Variants in TAOK3 observed in about 807,000 individuals in gnomAD.
The protein encoded by TAOK3 is serine/threonine-protein kinase TAO3.
Under a neutral mutation model 120.4 loss-of-function variants are expected in TAOK3, and 40 were observed. The ratio of observed to expected loss-of-function variants is 0.33; its 90% CI spans 0.26 to 0.43. TAOK3 has a LOEUF of 0.43. Among genes scored for constraint, TAOK3 ranks in the 20% least tolerant of loss-of-function variants. The probability of loss-of-function intolerance (pLI) is 1.00; values close to 1 mark genes in which losing one functional copy is unlikely to be tolerated. For missense variants in TAOK3, 821 were observed against 1,112.1 expected, an observed-to-expected ratio of 0.74 and a Z score of 3.72; for synonymous variants, 355 against 387.5, an observed-to-expected ratio of 0.92 and a Z score of 0.99.
intron 1 of TAOK3, among the ~76,000 whole-genome samples, chr12:118,287,633 G>C (rs1200660027): frequency 1.3e-5 from 2 of 152,148 alleles, no homozygotes; most frequent in Non-Finnish European, 2.9e-5. Flanking sequence ...CTAAGCCTCA[G>C]TTTTCCTGGT....
At position 118,370,351 on chromosome 12, in the gene TAOK3, G is replaced by A. The variant is rs902255531; in HGVS notation, c.-194+2297C>T. Among the ~76,000 whole-genome samples, 10 of 152,276 alleles carry A rather than the reference G, an allele frequency of 6.6e-5. No individual in the cohort carries two copies. The East Asian group carries it at 1.5e-3, about 23-fold the overall frequency. ...TCTTGGATTTACATAGCAGTTATAT[G>A]TAAGGCATCTGCATTATATATTTAG... On this transcript the variant is annotated intron_variant, in intron 1 of 20. Coordinates refer to ENST00000392533, the MANE Select transcript of TAOK3 (RefSeq NM_016281.4).
At chr12:118,295,447 C>G (rs558451977) in intron 1 of TAOK3, 1 of 152,160 alleles carries the variant, frequency 6.6e-6, no homozygotes, top group Non-Finnish European at 1.5e-5. Context: ...ATGTTTCTGA[C>G]CTTGGTCGGT....
chr12:118,310,744 T>C (rs2043230211), intron 1 of TAOK3, among the ~76,000 whole-genome samples: 1 of 152,178 alleles, frequency 6.6e-6, no homozygotes, highest in Non-Finnish European at 1.5e-5. Flanking sequence ...GTGATGTTGG[T>C]AGCTTTTTTC....
intron 3 of TAOK3, among the ~76,000 whole-genome samples, chr12:118,252,042 C>T (rs866523081): frequency 6.6e-6 from 1 of 152,042 alleles, no homozygotes; most frequent in Non-Finnish European, 1.5e-5. Flanking sequence ...AGGATGGTCT[C>T]GATCTCCTGA....
At chr12:118,318,638 A>C (rs1336248433) in intron 1 of TAOK3, among the ~76,000 whole-genome samples, 1 of 152,208 alleles carries the variant, frequency 6.6e-6, no homozygotes, top group East Asian at 1.9e-4. Context: ...GTGGGAATGT[A>C]AATTAGCACA....
chr12:118,312,507 G>C (rs556415406), intron 1 of TAOK3, among the ~76,000 whole-genome samples: 2 of 152,034 alleles, frequency 1.3e-5, no homozygotes, highest in Admixed American at 1.3e-4. Flanking sequence ...GGAAGTAGAC[G>C]GTAGCAAGGG....
At chr12:118,177,138 G>A in intron 16 of TAOK3, 63 bp downstream of exon 16, 6 of 1,523,542 alleles carry the variant, frequency 3.9e-6, no homozygotes, top group Non-Finnish European at 3.6e-6. Context: ...TGCAAGATGA[G>A]TGAATGTTAA....
At chr12:118,267,158 C>T (rs1056267321) in intron 1 of TAOK3, among the ~76,000 whole-genome samples, 4 of 152,084 alleles carry the variant, frequency 2.6e-5, no homozygotes, top group African/African-American at 9.7e-5. Flanking sequence ...ATTACTCTAC[C>T]TTTCCTTTCC....
chr12:118,177,075 AG>A (rs1196825034), intron 16 of TAOK3, 125 bp downstream of exon 16: 1 of 1,035,602 alleles, frequency 9.7e-7, no homozygotes, highest in Admixed American at 2.3e-5. Flanking sequence ...AAAGCATTTT[AG>A]GGTATTCTAA....
intron 2 of TAOK3, among the ~76,000 whole-genome samples, chr12:118,265,394 GAAA>G (rs35810306): frequency 1.5e-5 from 1 of 68,598 alleles, no homozygotes. Context: ...GTCTCAGGAA[GAAA>G]AAAAAAAAAA....
chr12:118,162,010 C>T lies in TAOK3; in HGVS notation c.1917G>A (p.Arg639=), dbSNP rs758271395. The T allele has an allele frequency of 2.5e-6, 4 of 1,613,466 alleles. No individual in the cohort carries two copies. In the South Asian group the frequency reaches 4.4e-5, roughly 18 times the overall value. The change falls in exon 18 of 21, where the codon AGG becomes AGA. Residue 639 remains arginine, a synonymous_variant. Transcript: ENST00000392533. Reference sequence around the variant, plus strand: ...TGGCATGCTCCATCTCCTTCTGGGTCCTCTTTTTATTTAGTTCCTGCGTCC... The same window carrying T: ...TGGCATGCTCCATCTCCTTCTGGGTTCTCTTTTTATTTAGTTCCTGCGTCC... ...QNIREELNKK[R]TQKEMEHAML... is the part of the protein sequence containing the mutation.
intron 9 of TAOK3, among the ~76,000 whole-genome samples, chr12:118,229,890 C>T (rs1173984630): frequency 6.6e-6 from 1 of 151,948 alleles, no homozygotes; most frequent in African/African-American, 2.4e-5. Context: ...AAGAGCACAC[C>T]ACTGCACTCT....
chr12:118,289,735 C>G (rs2042403063), intron 1 of TAOK3, among the ~76,000 whole-genome samples: 1 of 152,128 alleles, frequency 6.6e-6, no homozygotes, highest in Admixed American at 6.5e-5. Flanking sequence ...TGGCTCACAG[C>G]TATAATCCCA....
intron 13 of TAOK3, 174 bp downstream of exon 13, chr12:118,198,877 T>C: frequency 1.6e-6 from 1 of 634,138 alleles, no homozygotes; most frequent in South Asian, 1.8e-5. Context: ...GGCACAGATG[T>C]AGCCTGTGTA....
chr12:118,307,363 C>A (rs1273579717), intron 1 of TAOK3, among the ~76,000 whole-genome samples: 1 of 152,130 alleles, frequency 6.6e-6, no homozygotes. Context: ...TTGGCCTAAC[C>A]TCTAAGGGAT....
At chr12:118,247,406 T>C (rs1369612143) in intron 3 of TAOK3, among the ~76,000 whole-genome samples, 6 of 152,150 alleles carry the variant, frequency 3.9e-5, no homozygotes, top group Admixed American at 2.6e-4. Context: ...TAACAGTTCA[T>C]TGAAAGTACA....
intron 1 of TAOK3, among the ~76,000 whole-genome samples, chr12:118,270,253 T>C (rs2041640969): frequency 1.3e-5 from 2 of 152,198 alleles, no homozygotes; most frequent in South Asian, 4.1e-4. Flanking sequence ...CCCCAATTTC[T>C]GCTTCCTGTT....
chr12:118,254,213 C>T (rs938851604), intron 3 of TAOK3, among the ~76,000 whole-genome samples: 10 of 152,166 alleles, frequency 6.6e-5, no homozygotes, highest in East Asian at 3.9e-4. Flanking sequence ...ACCCCTTAAA[C>T]GAAAATACTG....
At chr12:118,337,005 A>G (rs563532202) in intron 1 of TAOK3, among the ~76,000 whole-genome samples, 1 of 152,336 alleles carries the variant, frequency 6.6e-6, no homozygotes, top group South Asian at 2.1e-4. Context: ...GGTTGCAGTG[A>G]GCTAAGATTG....
Sources: gnomAD v4.1 joint callset for allele counts (sites outside exome capture counted in the v4.1 genomes callset) on GRCh38, gnomAD v4.1.1 for gene constraint, MANE v1.5 for transcripts, NCBI Gene and HGNC (gene_info 2026-07-23, HGNC 2026-07-21) for gene names.